The following FAM13A variants were observed in gnomAD, a reference collection of about 807,000 sequenced individuals.
FAM13A encodes the protein protein FAM13A.
FAM13A carries 76 observed loss-of-function variants against 129.6 expected under a neutral mutation model. The ratio of observed to expected loss-of-function variants is 0.59; its 90% confidence interval spans 0.49 to 0.71. The LOEUF (loss-of-function observed/expected upper bound fraction) is 0.71, where lower values mean the gene tolerates loss of function less well. Among genes scored for constraint, FAM13A ranks in the 30% least tolerant of loss-of-function variants. The pLI, the probability that FAM13A is intolerant of heterozygous loss-of-function variation, is 0.00. For missense variants in FAM13A, 1,108 were observed against 1,249.3 expected (o/e 0.89, Z 1.70); for synonymous variants, 443 against 449.9 (o/e 0.98, Z 0.20).
At chr4:88,916,492 T>C (rs1253421153) in intron 5 of FAM13A, among the ~76,000 whole-genome samples, 1 of 152,252 alleles carries the variant, frequency 6.6e-6, no homozygotes, top group African/African-American at 2.4e-5. Context: ...CTATTCCTAA[T>C]ATCTGTGCTT....
At chr4:89,039,794 A>T (rs925744570) in intron 1 of FAM13A, among the ~76,000 whole-genome samples, 27 of 152,006 alleles carry the variant, frequency 1.8e-4, no homozygotes, top group South Asian at 4.2e-4. Context: ...ACCAAAAAAA[A>T]TTTTTTTTAA....
At chr4:88,807,639 G>A (rs1728839826) in intron 7 of FAM13A, among the ~76,000 whole-genome samples, 1 of 152,174 alleles carries the variant, frequency 6.6e-6, no homozygotes, top group Admixed American at 6.5e-5. Context: ...CATTCCAGCA[G>A]CCACAACAAG....
At chr4:88,938,470 A>G (rs1428665883) in intron 4 of FAM13A, among the ~76,000 whole-genome samples, 1 of 152,212 alleles carries the variant, frequency 6.6e-6, no homozygotes, top group East Asian at 1.9e-4. Context: ...GCTGTTCAGG[A>G]AGAAGATAGA....
chr4:88,874,025 C>A (rs1741922251), intron 6 of FAM13A, among the ~76,000 whole-genome samples: 1 of 152,120 alleles, frequency 6.6e-6, no homozygotes, highest in Non-Finnish European at 1.5e-5. Context: ...ATAAACAGAA[C>A]CAAAGACAAA....
chr4:89,043,065 G>A (rs990586385), intron 1 of FAM13A, among the ~76,000 whole-genome samples: 5 of 152,144 alleles, frequency 3.3e-5, no homozygotes, highest in Admixed American at 6.6e-5. Context: ...GAAAGCTTAC[G>A]GCAGACATCA....
At chr4:88,926,592 T>C (rs1752211790) in intron 5 of FAM13A, among the ~76,000 whole-genome samples, 1 of 152,206 alleles carries the variant, frequency 6.6e-6, no homozygotes, top group African/African-American at 2.4e-5. Context: ...GGCAATGTGT[T>C]ACATCTAATG....
At chr4:88,855,071 GC>G (rs1738261435) in intron 6 of FAM13A, among the ~76,000 whole-genome samples, 1 of 152,128 alleles carries the variant, frequency 6.6e-6, no homozygotes. Flanking sequence ...GGAGTAAGTG[GC>G]AGAGTTACCA....
intron 4 of FAM13A, among the ~76,000 whole-genome samples, chr4:88,955,871 T>C (rs1757673749): frequency 6.6e-6 from 1 of 152,056 alleles, no homozygotes; most frequent in Non-Finnish European, 1.5e-5. Context: ...GTTTGGGAAA[T>C]TTGCAGCCTG....
At chr4:88,853,477 T>C (rs1737966651) in intron 6 of FAM13A, among the ~76,000 whole-genome samples, 1 of 152,182 alleles carries the variant, frequency 6.6e-6, no homozygotes, top group African/African-American at 2.4e-5. Context: ...CTTTTGCATG[T>C]GATTATTTTT....
chr4:89,003,311 T>C (rs1306474112), intron 3 of FAM13A, among the ~76,000 whole-genome samples: 1 of 150,662 alleles, frequency 6.6e-6, no homozygotes, highest in Non-Finnish European at 1.5e-5. Context: ...ATCAAGTTTA[T>C]AGAAAATTAT....
chr4:88,754,968 G>A (rs1743337348), intron 14 of FAM13A, among the ~76,000 whole-genome samples: 1 of 152,160 alleles, frequency 6.6e-6, no homozygotes, highest in Non-Finnish European at 1.5e-5. Flanking sequence ...AAGAACAGCT[G>A]CTTAATCAGT....
intron 4 of FAM13A, among the ~76,000 whole-genome samples, chr4:88,985,849 A>AG (rs1762164581): frequency 7.0e-5 from 1 of 14,202 alleles, no homozygotes; most frequent in African/African-American, 3.6e-4. Flanking sequence ...AAAAAAGAAT[A>AG]AAAAAAAAAA....
chr4:88,913,512 G>T (rs1476415586), intron 5 of FAM13A, among the ~76,000 whole-genome samples: 2 of 141,940 alleles, frequency 1.4e-5, no homozygotes, highest in South Asian at 2.3e-4. Flanking sequence ...GGAAGAGGAA[G>T]AAGAGGAGGA....
At chr4:88,995,757 C>T (rs543706514) in intron 3 of FAM13A, among the ~76,000 whole-genome samples, 3 of 152,260 alleles carry the variant, frequency 2.0e-5, no homozygotes, top group South Asian at 4.1e-4. Context: ...CTTAATAAGC[C>T]AAATACCCAT....
At chr4:88,972,293 C>T (rs999271772) in intron 4 of FAM13A, among the ~76,000 whole-genome samples, 2 of 114,452 alleles carry the variant, frequency 1.7e-5, no homozygotes, top group African/African-American at 3.5e-5. Flanking sequence ...TTCTGCTTCT[C>T]CTTCACTTTT....
At chr4:88,756,427 C>T (rs768474561) in intron 14 of FAM13A, among the ~76,000 whole-genome samples, 71 of 152,206 alleles carry the variant, frequency 4.7e-4, no homozygotes, top group Non-Finnish European at 9.7e-4. Flanking sequence ...TGCTGGTGCT[C>T]GCCTCTGCAG....
At chr4:89,015,045 C>A (rs1006969885) in intron 3 of FAM13A, among the ~76,000 whole-genome samples, 1 of 152,028 alleles carries the variant, frequency 6.6e-6, no homozygotes, top group Non-Finnish European at 1.5e-5. Flanking sequence ...CTAAAATGGC[C>A]GCTCTGGGAA....
In FAM13A at chr4:88,978,521, G is replaced by A. The variant is rs57791627; in HGVS notation, c.605+12452C>T. Among the ~76,000 whole-genome samples the A allele has an allele frequency of 2.9e-3, 441 of 152,330 alleles. 1 individual carries two copies. The highest frequency in any genetic ancestry group is 1.0e-2 in the African/African-American group (415 of 41,582). ...TTAAAAAGCACAATTAAGGCTGGGT[G>A]CAGTGGCTCAGGCCTGTAATCCCAG... On this transcript the variant is annotated intron_variant, in intron 4 of 23. Coordinates refer to ENST00000264344, the MANE Select transcript of FAM13A (RefSeq NM_014883.4).
At chr4:88,795,171 G>A (rs947903167) in intron 8 of FAM13A, among the ~76,000 whole-genome samples, 1 of 151,622 alleles carries the variant, frequency 6.6e-6, no homozygotes, top group African/African-American at 2.4e-5. Context: ...TCAAATCTTG[G>A]TTTAAAATTG....
Sources: allele counts gnomAD v4.1 joint callset (sites outside exome capture counted in the v4.1 genomes callset), GRCh38; gene constraint gnomAD v4.1.1; transcripts MANE v1.5; gene names NCBI Gene and HGNC (gene_info 2026-07-23, HGNC 2026-07-21).